ENTHD1: variants seen among roughly 807,000 people sequenced by gnomAD.
ENTHD1 encodes the protein ENTH domain-containing protein 1.
In ENTHD1, 23 loss-of-function variants were observed where a neutral mutation model predicts 39.1. That is an observed-to-expected ratio of 0.59 (90% CI 0.42 to 0.83). ENTHD1 has a LOEUF of 0.83. ENTHD1 is among the 40% of genes least tolerant of loss of function. ENTHD1 has a pLI of 0.00. For missense variants in ENTHD1, 624 were observed against 705.4 expected, an observed-to-expected ratio of 0.88 and a Z score of 1.31; for synonymous variants, 230 against 258.2, an observed-to-expected ratio of 0.89 and a Z score of 1.05.
intron 5 of ENTHD1, 21 bp from the exon 6 acceptor site, chr22:39,765,630 G>T: frequency 1.3e-6 from 2 of 1,551,372 alleles, no homozygotes; most frequent in Non-Finnish European, 1.7e-6. Flanking sequence ...ACAAATAAGA[G>T]CTATAATCAA....
intron 6 of ENTHD1, among the ~76,000 whole-genome samples, chr22:39,753,687 A>G (rs1236884371): frequency 2.6e-5 from 4 of 152,302 alleles, no homozygotes; most frequent in South Asian, 4.1e-4. Flanking sequence ...AGTGACGCCA[A>G]TGTCCATGGA....
At chr22:39,876,173 T>G (rs1464475303) in intron 2 of ENTHD1, 1 of 1,493,906 alleles carries the variant, frequency 6.7e-7, no homozygotes, top group African/African-American at 1.4e-5. Flanking sequence ...AGGAGACTTA[T>G]TTGAGAGGAA....
chr22:39,827,236 C>G (rs563988352), intron 4 of ENTHD1, among the ~76,000 whole-genome samples: 1 of 151,962 alleles, frequency 6.6e-6, no homozygotes, highest in Non-Finnish European at 1.5e-5. Flanking sequence ...AGGATGGTCT[C>G]GATCTTCTGA....
At position 39,876,315 on chromosome 22, in the gene ENTHD1, T is replaced by C. The variant is rs575307627; in HGVS notation, c.349+11085A>G. Among the ~76,000 whole-genome samples, 3 of 152,340 alleles carry C rather than the reference T, an allele frequency of 2.0e-5. No homozygotes were observed. The South Asian group carries it at 6.2e-4, about 32-fold the overall frequency. On this transcript the variant is annotated intron_variant, in intron 2 of 6. Coordinates refer to ENST00000325157, the MANE Select transcript of ENTHD1 (RefSeq NM_152512.4). ...ACTTAATAAAGCCACTGTTAAGCACTGTTATGCTCAGTCATACACGCGAAA... is the reference window on the plus strand; with the variant it reads ...ACTTAATAAAGCCACTGTTAAGCACCGTTATGCTCAGTCATACACGCGAAA...
intron 2 of ENTHD1, among the ~76,000 whole-genome samples, chr22:39,879,442 G>C (rs1431263952): frequency 9.1e-6 from 1 of 110,416 alleles, no homozygotes; most frequent in Non-Finnish European, 1.7e-5. Context: ...CAGCCTGGGT[G>C]ACAGAGTGAG....
rs182261628 is a variant in ENTHD1, at chr22:39,875,836, G to A, written c.349+11564C>T. 8.2e-3 allele frequency: 13,281 copies of A among 1,613,420 alleles called. 124 individuals are homozygous for A. The highest frequency in any genetic ancestry group is 7.9e-3 in the Non-Finnish European group (9,319 of 1,179,494). The stretch of plus-strand genomic sequence containing the variant: ...TGTTTGTACGTCATAGAACCCAGAA[G>A]GAAATTAAGCAGGAAGCTGCAGTTG... On this transcript the variant is annotated intron_variant, in intron 2 of 6. Transcript: ENST00000325157.
At chr22:39,786,715 T>C (rs541998804) in intron 5 of ENTHD1, among the ~76,000 whole-genome samples, 1 of 152,302 alleles carries the variant, frequency 6.6e-6, no homozygotes, top group Non-Finnish European at 1.5e-5. Flanking sequence ...ACCCAGCCCC[T>C]GGCAACCACC....
chr22:39,879,353 C>CT (rs1322035149), intron 2 of ENTHD1, among the ~76,000 whole-genome samples: 3 of 145,204 alleles, frequency 2.1e-5, no homozygotes, highest in African/African-American at 7.7e-5. Context: ...GTCCCAGCTA[C>CT]TTGGGAGGCT....
intron 5 of ENTHD1, among the ~76,000 whole-genome samples, chr22:39,778,830 T>A (rs1375102277): frequency 2.0e-5 from 3 of 152,174 alleles, no homozygotes; most frequent in African/African-American, 7.2e-5. Flanking sequence ...ACACATATTT[T>A]CATTCATGCA....
intron 2 of ENTHD1, among the ~76,000 whole-genome samples, chr22:39,879,244 C>T (rs2066315088): frequency 6.6e-6 from 1 of 151,460 alleles, no homozygotes; most frequent in Non-Finnish European, 1.5e-5. Context: ...GGGCGGATCA[C>T]GAGGTCAGGA....
intron 2 of ENTHD1, among the ~76,000 whole-genome samples, chr22:39,864,302 C>T (rs1157922694): frequency 1.3e-5 from 2 of 152,126 alleles, no homozygotes; most frequent in Admixed American, 6.5e-5. Context: ...TCTTCATCTA[C>T]TTAGAGCCAT....
chr22:39,752,245 G>A (rs2065153625), intron 6 of ENTHD1, among the ~76,000 whole-genome samples: 1 of 152,122 alleles, frequency 6.6e-6, no homozygotes, highest in Non-Finnish European at 1.5e-5. Flanking sequence ...ATGAAGTACT[G>A]ATATATGTTA....
rs377712214 is a variant in ENTHD1, at chr22:39,810,582, C to T, written c.832+10411G>A. Among the ~76,000 whole-genome samples, 267 of 152,340 alleles carry T rather than the reference C, an allele frequency of 1.8e-3. 11 individuals carry two copies. In the South Asian group the frequency reaches 0.054, roughly 31 times the overall value. ...GGGGAAATTACAGAAATTAATGCCA[C>T]CATCAAAGATTTCAAAGTTGTAGGG... is the stretch of plus-strand genomic sequence containing the variant. On this transcript the variant is annotated intron_variant, in intron 5 of 6. Coordinates refer to ENST00000325157, the MANE Select transcript of ENTHD1 (RefSeq NM_152512.4).
At chr22:39,753,143 G>A (rs1055938464) in intron 6 of ENTHD1, among the ~76,000 whole-genome samples, 2 of 152,194 alleles carry the variant, frequency 1.3e-5, no homozygotes, top group Non-Finnish European at 2.9e-5. Flanking sequence ...TCCAATATGA[G>A]AAAGTGTAGA....
intron 5 of ENTHD1, among the ~76,000 whole-genome samples, chr22:39,803,341 C>A (rs2065614417): frequency 6.6e-6 from 1 of 152,038 alleles, no homozygotes; most frequent in Non-Finnish European, 1.5e-5. Context: ...TCTCGTCTCA[C>A]CTCATAACAT....
intron 4 of ENTHD1, among the ~76,000 whole-genome samples, chr22:39,822,555 C>T (rs922564173): frequency 1.3e-5 from 2 of 152,080 alleles, no homozygotes; most frequent in African/African-American, 4.8e-5. Flanking sequence ...CCTTTCCTAC[C>T]TATAAGAAAG....
intron 1 of ENTHD1, among the ~76,000 whole-genome samples, chr22:39,892,639 G>A (rs1336041394): frequency 6.6e-6 from 1 of 152,222 alleles, no homozygotes; most frequent in African/African-American, 2.4e-5. Context: ...AAGGAACAGA[G>A]GAGCTGAACT....
intron 6 of ENTHD1, among the ~76,000 whole-genome samples, chr22:39,764,742 A>G (rs765638396): frequency 8.0e-5 from 12 of 150,530 alleles, no homozygotes; most frequent in Non-Finnish European, 1.5e-4. Context: ...AATATAAAAT[A>G]TATATAATAT....
intron 3 of ENTHD1, among the ~76,000 whole-genome samples, chr22:39,853,718 C>T (rs1477425764): frequency 6.6e-6 from 1 of 152,018 alleles, no homozygotes; most frequent in African/African-American, 2.4e-5. Context: ...GGACTATAGG[C>T]AACTGCCATC....
Sources: allele counts gnomAD v4.1 joint callset (sites outside exome capture counted in the v4.1 genomes callset), GRCh38; gene constraint gnomAD v4.1.1; transcripts MANE v1.5; gene names NCBI Gene and HGNC (gene_info 2026-07-23, HGNC 2026-07-21).